Variants in STX7 observed in about 807,000 individuals in gnomAD.
STX7 encodes syntaxin 7.
A neutral mutation model predicts 39.6 loss-of-function variants in STX7; 34 were observed. The observed-to-expected ratio is 0.86, with a 90% CI of 0.65 to 1.14. STX7 has a LOEUF of 1.14. Among genes scored for constraint, STX7 ranks in the 50% most tolerant of loss-of-function variants. STX7 has a pLI of 0.00. For synonymous variants in STX7, 119 were observed against 99.1 expected (o/e 1.20, Z -1.19); for missense variants, 284 against 310.4 (o/e 0.92, Z 0.64).
At chr6:132,478,758 C>T (rs555302049) in intron 2 of STX7, among the ~76,000 whole-genome samples, 2 of 152,302 alleles carry the variant, frequency 1.3e-5, no homozygotes, top group South Asian at 2.1e-4. Context: ...CTCTAGCAAC[C>T]TGTATATACC....
intron 1 of STX7, among the ~76,000 whole-genome samples, chr6:132,505,547 A>G (rs1264011951): frequency 1.3e-5 from 2 of 152,156 alleles, no homozygotes; most frequent in Admixed American, 6.5e-5. Flanking sequence ...AAGCAATTTC[A>G]TTAAAGGGTA....
intron 2 of STX7, among the ~76,000 whole-genome samples, chr6:132,493,483 C>G (rs943697946): frequency 3.9e-5 from 6 of 152,102 alleles, no homozygotes; most frequent in Admixed American, 6.5e-5. Flanking sequence ...GAATAAGTCT[C>G]ATGAGATCTG....
intron 2 of STX7, among the ~76,000 whole-genome samples, chr6:132,485,222 A>T (rs767072791): frequency 4.6e-5 from 7 of 152,148 alleles, no homozygotes; most frequent in Non-Finnish European, 7.4e-5. Context: ...AATCACTAAT[A>T]TGCTTTCTGT....
intron 2 of STX7, among the ~76,000 whole-genome samples, chr6:132,500,062 C>T (rs371513524): frequency 1.4e-3 from 220 of 152,338 alleles, no homozygotes; most frequent in African/African-American, 5.1e-3. Context: ...TTGCTTCTCT[C>T]CATCCCCACT....
intron 8 of STX7, 74 bp from the exon 9 acceptor site, chr6:132,464,149 A>C: frequency 2.9e-6 from 4 of 1,376,728 alleles, no homozygotes; most frequent in Non-Finnish European, 4.1e-6. Context: ...ACTAAATTTC[A>C]TTCAAGGTAA....
Position 132,480,958 on chromosome 6 carries a change from A to T in STX7, c.86-5296T>A, listed in dbSNP as rs149746900. 3.8e-4 allele frequency among the ~76,000 whole-genome samples: 58 copies of T among 152,246 alleles called. No individual in the cohort carries two copies. The East Asian group carries it at 0.01, about 27-fold the overall frequency. On this transcript the variant is annotated intron_variant, in intron 2 of 9. Transcript: ENST00000367941. ...TATATAGAATGTACCATTTGTGGTTACTCTGAGACACTGTTCCACAGGCTA... is the reference window on the plus strand; with the variant it reads ...TATATAGAATGTACCATTTGTGGTTTCTCTGAGACACTGTTCCACAGGCTA...
At position 132,458,584 on chromosome 6, in the gene STX7, C is replaced by T. The variant is rs2114337554; in HGVS notation, c.*2174G>A. On this transcript the variant is annotated 3_prime_UTR_variant, in exon 10 of 10. Transcript: ENST00000367941. ...TTCACCATGCTGTCAGTTATGAAAA[C>T]AACTCTAATTTTAATCTCCACAGGG... 6.6e-6 allele frequency: 1 copy of T among 152,278 alleles called. No individual in the cohort carries two copies. The highest frequency in any genetic ancestry group is 1.9e-4 in the East Asian group (1 of 5,186). The allele number at this position is 152,278 out of a possible 1,614,324, so 9.4% of individuals were successfully genotyped here.
rs1433554186 is a variant in STX7, at chr6:132,468,405, A to G, written c.608T>C (p.Ile203Thr). The G allele has an allele frequency of 1.2e-6, 2 of 1,608,148 alleles. No homozygotes were observed. Among genetic ancestry groups the G allele is most frequent in the Non-Finnish European group, 1.7e-6 (2 of 1,176,700 alleles). Reference protein sequence around the residue: ...GMMIHEQGDVIDSIEANVENA... With the variant: ...GMMIHEQGDVTDSIEANVENA... ...AAATCTAAGTCAGCAGGTCTTACCT[A>G]TTACATCTCCTTGTTCATGAATCAT... The change falls in exon 8 of 10, where the codon ATA (isoleucine) becomes ACA (threonine). Residue 203 changes from isoleucine (I) to threonine (T), a missense_variant and splice_region_variant. Physicochemically the swap from Ile to Thr is moderately conservative, Grantham distance 89. Coordinates refer to ENST00000367941, the MANE Select transcript of STX7 (RefSeq NM_003569.3).
At chr6:132,472,479 C>A in intron 3 of STX7, 104 bp from the exon 4 acceptor site, 1 of 819,524 alleles carries the variant, frequency 1.2e-6, no homozygotes, top group Non-Finnish European at 1.8e-6. Context: ...ACAAAAATTG[C>A]CTTTTCATAA....
intron 2 of STX7, among the ~76,000 whole-genome samples, chr6:132,501,197 C>A (rs1422537413): frequency 6.6e-6 from 1 of 152,068 alleles, no homozygotes; most frequent in Non-Finnish European, 1.5e-5. Flanking sequence ...GGATTACAGG[C>A]ATATGCCACA....
At chr6:132,480,516 C>T (rs562203595) in intron 2 of STX7, among the ~76,000 whole-genome samples, 1 of 152,292 alleles carries the variant, frequency 6.6e-6, no homozygotes, top group East Asian at 1.9e-4. Context: ...GGGAGGAAAA[C>T]AATCACGTTT....
rs1774340291 is a variant in STX7, at chr6:132,459,731, A to T, written c.*1027T>A. ...AAAACAACATTGATTTAAAAAGGGA[A>T]GTGAGATAACTGGCAAACCTCCAAT... On this transcript the variant is annotated 3_prime_UTR_variant, in exon 10 of 10. Transcript: ENST00000367941. 6.6e-6 allele frequency: 1 copy of T among 152,226 alleles called. No individual in the cohort carries two copies. Among genetic ancestry groups the T allele is most frequent in the Non-Finnish European group, 1.5e-5 (1 of 68,032 alleles). 9.4% of individuals were successfully genotyped at this position (152,226 alleles called of 1,614,324 possible).
intron 2 of STX7, among the ~76,000 whole-genome samples, chr6:132,496,079 T>G (rs1419278330): frequency 6.6e-6 from 1 of 152,152 alleles, no homozygotes; most frequent in Non-Finnish European, 1.5e-5. Context: ...CCCTAGAAGG[T>G]TCTGTCTTTC....
At chr6:132,490,535 AC>A in intron 2 of STX7, among the ~76,000 whole-genome samples, 1 of 152,220 alleles carries the variant, frequency 6.6e-6, no homozygotes, top group South Asian at 2.1e-4. Context: ...AGAAATTAAC[AC>A]AAAATGTGTA....
At chr6:132,501,245 G>A (rs1775552569) in intron 2 of STX7, among the ~76,000 whole-genome samples, 1 of 152,028 alleles carries the variant, frequency 6.6e-6, no homozygotes, top group Non-Finnish European at 1.5e-5. Context: ...GTAGAGACAG[G>A]GTTTCTCCAT....
Position 132,461,895 on chromosome 6 carries a change from T to C in STX7, c.694-1045A>G, listed in dbSNP as rs191927863. 3.3e-6 allele frequency: 5 copies of C among 1,517,490 alleles called. No homozygotes were observed. The African/African-American group carries it at 4.2e-5, about 13-fold the overall frequency. The allele number at this position is 1,517,490 out of a possible 1,614,324, so 94.0% of individuals were successfully genotyped here. On this transcript the variant is annotated intron_variant, in intron 9 of 9. Coordinates refer to ENST00000367941, the MANE Select transcript of STX7 (RefSeq NM_003569.3). ...TAGAAAAATTTGTAAATTTACTTTGTGTCAAGTAGAAGTACCAAAATATTT... is the reference window on the plus strand; with the variant it reads ...TAGAAAAATTTGTAAATTTACTTTGCGTCAAGTAGAAGTACCAAAATATTT...
At chr6:132,482,265 C>T (rs760618636) in intron 2 of STX7, among the ~76,000 whole-genome samples, 17 of 152,122 alleles carry the variant, frequency 1.1e-4, no homozygotes, top group African/African-American at 1.7e-4. Flanking sequence ...CCAGGCACAG[C>T]GAGAGGGCTT....
chr6:132,484,428 G>C (rs1465013329), intron 2 of STX7, among the ~76,000 whole-genome samples: 1 of 152,050 alleles, frequency 6.6e-6, no homozygotes, highest in East Asian at 1.9e-4. Context: ...TGGTATCAGG[G>C]GCTATTAATA....
At chr6:132,476,200 A>C (rs990891633) in intron 2 of STX7, among the ~76,000 whole-genome samples, 1 of 152,218 alleles carries the variant, frequency 6.6e-6, no homozygotes, top group African/African-American at 2.4e-5. Context: ...ATTACAAAAG[A>C]TATAACTTTA....
Sources: gnomAD v4.1 joint callset for allele counts (sites outside exome capture counted in the v4.1 genomes callset) on GRCh38, gnomAD v4.1.1 for gene constraint, MANE v1.5 for transcripts, NCBI Gene and HGNC (gene_info 2026-07-23, HGNC 2026-07-21) for gene names.